Variants in KIAA1217 observed in about 807,000 individuals in gnomAD.
The protein encoded by KIAA1217 is sickle tail protein homolog.
KIAA1217 carries 88 observed loss-of-function variants against 163.9 expected under a neutral mutation model. That is an observed-to-expected ratio of 0.54 (90% CI 0.45 to 0.64). KIAA1217 has a LOEUF of 0.64. Among genes scored for constraint, KIAA1217 ranks in the 30% least tolerant of loss-of-function variants. The pLI, the probability that KIAA1217 is intolerant of heterozygous loss-of-function variation, is 0.00. For synonymous variants in KIAA1217, 903 were observed against 923.1 expected, an observed-to-expected ratio of 0.98 and a Z score of 0.39; for missense variants, 2,372 against 2,475.0, an observed-to-expected ratio of 0.96 and a Z score of 0.88.
In KIAA1217 at chr10:23,969,146, C is replaced by A. The variant is rs143667854; in HGVS notation, c.-320-38079C>A. Among the ~76,000 whole-genome samples, 761 of 152,196 alleles carry A rather than the reference C, an allele frequency of 5.0e-3. 16 individuals carry two copies. The highest frequency in any genetic ancestry group is 0.035 in the East Asian group (180 of 5,144). ...GCCTCCCAGGTTCAAGCGATTCCCC[C>A]ACCTCAGCCTCCCAAGTAGCTGGGA... On this transcript the variant is annotated intron_variant, in intron 1 of 18. Coordinates refer to the KIAA1217 transcript ENST00000376462.
intron 6 of KIAA1217, among the ~76,000 whole-genome samples, chr10:24,475,965 G>A (rs894590512): frequency 1.3e-5 from 2 of 152,120 alleles, no homozygotes; most frequent in Non-Finnish European, 2.9e-5. Context: ...TTTGTCTCCT[G>A]CATATAATGT....
intron 2 of KIAA1217, among the ~76,000 whole-genome samples, chr10:24,372,717 C>A (rs928455340): frequency 2.0e-5 from 3 of 152,182 alleles, no homozygotes; most frequent in African/African-American, 7.2e-5. Flanking sequence ...TCGCATTTGG[C>A]TCTATTGTGT....
chr10:24,518,010 C>A (rs1480805858), intron 10 of KIAA1217, among the ~76,000 whole-genome samples: 2 of 152,042 alleles, frequency 1.3e-5, no homozygotes, highest in Admixed American at 6.6e-5. Flanking sequence ...AAAAATAAAA[C>A]TATGAAAAGA....
chr10:24,418,483 C>T (rs1027819279), intron 3 of KIAA1217, among the ~76,000 whole-genome samples: 16 of 152,158 alleles, frequency 1.1e-4, no homozygotes, highest in African/African-American at 3.1e-4. Context: ...CACATTGATG[C>T]TTTTTAAATC....
intron 2 of KIAA1217, among the ~76,000 whole-genome samples, chr10:24,253,988 T>G (rs1447321747): frequency 3.3e-5 from 5 of 152,180 alleles, no homozygotes; most frequent in Non-Finnish European, 7.3e-5. Flanking sequence ...TATAGTTCTA[T>G]GCAATCATGT....
intron 3 of KIAA1217, among the ~76,000 whole-genome samples, chr10:24,404,092 G>A (rs2056892403): frequency 6.6e-6 from 1 of 152,050 alleles, no homozygotes; most frequent in African/African-American, 2.4e-5. Flanking sequence ...TGACTAGCTG[G>A]GACTAAAGGA....
intron 1 of KIAA1217, among the ~76,000 whole-genome samples, chr10:23,712,602 T>C (rs1419407977): frequency 1.3e-5 from 2 of 152,106 alleles, no homozygotes; most frequent in African/African-American, 4.8e-5. Flanking sequence ...GCACTTTTTT[T>C]TAAGCTTTTG....
At chr10:24,440,155 T>C (rs1423199298) in intron 5 of KIAA1217, among the ~76,000 whole-genome samples, 1 of 152,236 alleles carries the variant, frequency 6.6e-6, no homozygotes, top group African/African-American at 2.4e-5. Context: ...GTGACTTGAA[T>C]TGAAAGCTGT....
chr10:24,389,884 C>T (rs191134576), intron 3 of KIAA1217, among the ~76,000 whole-genome samples: 2 of 144,822 alleles, frequency 1.4e-5, no homozygotes, highest in African/African-American at 5.4e-5. Flanking sequence ...CCAGCTTGAT[C>T]GGGTTGAGAC....
At chr10:24,124,079 T>C (rs2063382387) in intron 2 of KIAA1217, among the ~76,000 whole-genome samples, 1 of 152,212 alleles carries the variant, frequency 6.6e-6, no homozygotes, top group Non-Finnish European at 1.5e-5. Flanking sequence ...CATTTCATTT[T>C]ATGGATAAAA....
chr10:23,944,403 A>G (rs1401461598), intron 1 of KIAA1217, among the ~76,000 whole-genome samples: 1 of 152,148 alleles, frequency 6.6e-6, no homozygotes, highest in Non-Finnish European at 1.5e-5. Context: ...CAGCCTGGGC[A>G]AAAGAGTGAG....
chr10:24,208,438 A>G (rs1022042164), upstream of KIAA1217, among the ~76,000 whole-genome samples: 2 of 151,634 alleles, frequency 1.3e-5, no homozygotes, highest in Admixed American at 1.3e-4. Context: ...TGAGAAAGTG[A>G]GCAAGTACGT....
intron 1 of KIAA1217, among the ~76,000 whole-genome samples, chr10:23,877,916 G>A (rs1200255641): frequency 6.6e-6 from 1 of 151,912 alleles, no homozygotes; most frequent in African/African-American, 2.4e-5. Flanking sequence ...CCAGGCATTG[G>A]TTTTCCACTC....
At chr10:24,029,980 C>A (rs948961234) in intron 2 of KIAA1217, among the ~76,000 whole-genome samples, 29 of 152,156 alleles carry the variant, frequency 1.9e-4, no homozygotes, top group African/African-American at 6.5e-4. Flanking sequence ...CTCTGGCCAT[C>A]TTAAACCTAC....
intron 6 of KIAA1217, among the ~76,000 whole-genome samples, chr10:24,476,875 A>T (rs2064110666): frequency 6.6e-6 from 1 of 152,042 alleles, no homozygotes; most frequent in Non-Finnish European, 1.5e-5. Context: ...ACACACAGAC[A>T]CACGACACAC....
chr10:23,899,773 G>A (rs890031696), intron 1 of KIAA1217, among the ~76,000 whole-genome samples: 3 of 152,108 alleles, frequency 2.0e-5, no homozygotes, highest in Non-Finnish European at 4.4e-5. Flanking sequence ...GAATGTGTAT[G>A]TGTGTGTTTG....
At chr10:23,724,973 T>A (rs914390465) in intron 1 of KIAA1217, among the ~76,000 whole-genome samples, 4 of 152,106 alleles carry the variant, frequency 2.6e-5, no homozygotes, top group Admixed American at 2.6e-4. Flanking sequence ...GCCAGCTGCT[T>A]GAAGTCATTG....
At chr10:24,010,047 T>G (rs1173721169) in intron 2 of KIAA1217, among the ~76,000 whole-genome samples, 1 of 152,152 alleles carries the variant, frequency 6.6e-6, no homozygotes, top group Non-Finnish European at 1.5e-5. Flanking sequence ...AGAATGTCTG[T>G]TGCATACTTG....
At position 24,403,415 on chromosome 10, in the gene KIAA1217, T is replaced by G. The variant is rs540036956; in HGVS notation, c.553+22348T>G. On this transcript the variant is annotated intron_variant, in intron 3 of 20. Coordinates refer to ENST00000376454, the MANE Select transcript of KIAA1217 (RefSeq NM_019590.5). Reference sequence around the variant, plus strand: ...CACCACACCTTGCTAATTTTTGTATTTTTAGTAGAGACGGGGTTTCACCAT... The same window carrying G: ...CACCACACCTTGCTAATTTTTGTATGTTTAGTAGAGACGGGGTTTCACCAT... Among the ~76,000 whole-genome samples, 11 of 152,200 alleles carry G rather than the reference T, an allele frequency of 7.2e-5. No homozygotes were observed. The South Asian group carries it at 2.1e-3, about 29-fold the overall frequency.
Sources: allele counts gnomAD v4.1 joint callset (sites outside exome capture counted in the v4.1 genomes callset), GRCh38; gene constraint gnomAD v4.1.1; transcripts MANE v1.5; gene names NCBI Gene and HGNC (gene_info 2026-07-23, HGNC 2026-07-21).